Variants in ARID2 observed in about 807,000 individuals in gnomAD.
ARID2 encodes the protein AT-rich interaction domain 2.
Under a neutral mutation model 184.6 loss-of-function variants are expected in ARID2, and 32 were observed. The ratio of observed to expected loss-of-function variants is 0.17; its 90% confidence interval spans 0.13 to 0.23. The LOEUF (loss-of-function observed/expected upper bound fraction) is 0.23, where lower values mean the gene tolerates loss of function less well. Among genes scored for constraint, ARID2 ranks in the 10% least tolerant of loss-of-function variants. The pLI is 1.00. For missense variants in ARID2, 1,696 were observed against 2,197.6 expected (o/e 0.77, Z 4.56); for synonymous variants, 836 against 772.6 (o/e 1.08, Z -1.36).
In ARID2 at chr12:45,864,289, A is replaced by G. The variant is rs73292535; in HGVS notation, c.4922+3340A>G. Among the ~76,000 whole-genome samples, 808 of 152,246 alleles carry G rather than the reference A, an allele frequency of 5.3e-3. 6 individuals are homozygous for G. Among genetic ancestry groups the G allele is most frequent in the African/African-American group, 0.018 (767 of 41,556 alleles). Reference sequence around the variant, plus strand: ...ACCTCACTCTTTAGATATAAATACTATATACCACCACCACCACCATACTCC... The same window carrying G: ...ACCTCACTCTTTAGATATAAATACTGTATACCACCACCACCACCATACTCC... On this transcript the variant is annotated intron_variant, in intron 16 of 20. Coordinates refer to ENST00000334344, the MANE Select transcript of ARID2 (RefSeq NM_152641.4).
chr12:45,749,163 A>G (rs1457352925), intron 3 of ARID2, among the ~76,000 whole-genome samples: 1 of 152,246 alleles, frequency 6.6e-6, no homozygotes, highest in East Asian at 1.9e-4. Context: ...GTAATAGACT[A>G]GAAAGTCAAA....
At chr12:45,789,215 CCTT>C (rs1333933912) in intron 3 of ARID2, 2 of 152,314 alleles carry the variant, frequency 1.3e-5, no homozygotes, top group African/African-American at 2.4e-5. Context: ...AACATCTCTT[CCTT>C]CTTAGTCAGA....
chr12:45,883,309 A>C (rs1447626124), intron 16 of ARID2, among the ~76,000 whole-genome samples: 2 of 151,956 alleles, frequency 1.3e-5, no homozygotes, highest in African/African-American at 2.4e-5. Context: ...GAATTTGATT[A>C]CTTAAAGATG....
intron 6 of ARID2, among the ~76,000 whole-genome samples, chr12:45,821,918 T>G (rs1942904618): frequency 1.3e-5 from 2 of 152,194 alleles, no homozygotes; most frequent in Non-Finnish European, 2.9e-5. Flanking sequence ...TGGGAATATA[T>G]TTCTGAAACA....
At chr12:45,845,468 C>G (rs937386381) in intron 11 of ARID2, among the ~76,000 whole-genome samples, 1 of 152,114 alleles carries the variant, frequency 6.6e-6, no homozygotes, top group South Asian at 2.1e-4. Context: ...AGAAGTCCTT[C>G]CAAGTATACC....
chr12:45,743,030 A>G (rs1941291798), intron 3 of ARID2, among the ~76,000 whole-genome samples: 1 of 152,056 alleles, frequency 6.6e-6, no homozygotes, highest in South Asian at 2.1e-4. Context: ...AATTATTGAG[A>G]CATTACAGCA....
chr12:45,750,109 T>C (rs1013422701), intron 3 of ARID2, among the ~76,000 whole-genome samples: 1 of 152,216 alleles, frequency 6.6e-6, no homozygotes, highest in Admixed American at 6.5e-5. Flanking sequence ...TTAAGCGTAA[T>C]CATTTCTAGC....
At chr12:45,899,710 G>GTT (rs1263547046) in intron 20 of ARID2, among the ~76,000 whole-genome samples, 4 of 117,878 alleles carry the variant, frequency 3.4e-5, no homozygotes, top group African/African-American at 1.1e-4. Context: ...TATATATATG[G>GTT]TTATATATAT....
At position 45,852,324 on chromosome 12, in the gene ARID2, A is replaced by T. The variant is rs1276298778; in HGVS notation, c.4201A>T (p.Ile1401Phe). 1 of 1,614,188 alleles carries T rather than the reference A, an allele frequency of 6.2e-7. No homozygotes were observed. Among genetic ancestry groups the T allele is most frequent in the Non-Finnish European group, 8.5e-7 (1 of 1,180,000 alleles). ...SPMEPQGTLD[I>F]TQQDTAKGDQ... The stretch of plus-strand genomic sequence containing the variant: ...AATGGAACCACAAGGGACTTTAGAT[A>T]TCACTCAGCAAGATACTGCCAAAGG... Residue 1401 changes from isoleucine (I) to phenylalanine (F), a missense_variant, in exon 15 of 21, where the codon ATC becomes TTC. Ile to Phe is a conservative substitution (Grantham distance 21, BLOSUM62 0). Around this residue, in one of 11 missense-constraint regions of ARID2, gnomAD observed 428 missense variants for 409.1 expected, o/e 1.05. Transcript: ENST00000334344.
At chr12:45,742,739 A>G (rs1437223097) in intron 3 of ARID2, among the ~76,000 whole-genome samples, 1 of 152,234 alleles carries the variant, frequency 6.6e-6, no homozygotes, top group African/African-American at 2.4e-5. Context: ...TGTCATCTGA[A>G]TAATCTGTAA....
chr12:45,738,340 A>G (rs1368406625), intron 3 of ARID2, among the ~76,000 whole-genome samples: 1 of 152,074 alleles, frequency 6.6e-6, no homozygotes, highest in East Asian at 1.9e-4. Context: ...TTTGAGACGG[A>G]GTTGCTCTCT....
intron 3 of ARID2, among the ~76,000 whole-genome samples, chr12:45,744,815 TCA>T (rs1941326192): frequency 2.6e-5 from 4 of 152,214 alleles, no homozygotes; most frequent in Non-Finnish European, 4.4e-5. Flanking sequence ...CCATTTAAAT[TCA>T]TCAATGCTAA....
chr12:45,778,125 T>G (rs1321859792), intron 3 of ARID2, among the ~76,000 whole-genome samples: 1 of 152,016 alleles, frequency 6.6e-6, no homozygotes. Flanking sequence ...TGGAATCGCT[T>G]GAACCCGGGA....
chr12:45,856,058 T>C (rs1213025423), intron 15 of ARID2, among the ~76,000 whole-genome samples: 1 of 147,074 alleles, frequency 6.8e-6, no homozygotes, highest in Admixed American at 6.9e-5. Flanking sequence ...TCTTTTTCTT[T>C]CTTCTTTTCT....
intron 3 of ARID2, among the ~76,000 whole-genome samples, chr12:45,771,960 T>G (rs1222997179): frequency 6.6e-6 from 1 of 152,032 alleles, no homozygotes; most frequent in African/African-American, 2.4e-5. Context: ...CTTATAACAT[T>G]TATAGATGTA....
intron 11 of ARID2, among the ~76,000 whole-genome samples, chr12:45,843,963 G>A (rs755449810): frequency 1.3e-5 from 2 of 152,118 alleles, no homozygotes; most frequent in African/African-American, 4.8e-5. Flanking sequence ...AATTTTAACA[G>A]TTGAATTTGC....
intron 20 of ARID2, among the ~76,000 whole-genome samples, chr12:45,903,069 A>G (rs887503297): frequency 6.6e-6 from 1 of 152,132 alleles, no homozygotes; most frequent in African/African-American, 2.4e-5. Flanking sequence ...CCTCCTCTCT[A>G]TAAGGGACCA....
At chr12:45,893,003 T>C (rs1197835398) in intron 18 of ARID2, among the ~76,000 whole-genome samples, 1 of 152,200 alleles carries the variant, frequency 6.6e-6, no homozygotes, top group Non-Finnish European at 1.5e-5. Flanking sequence ...GTAATATTAC[T>C]TTACTCTTAG....
intron 16 of ARID2, among the ~76,000 whole-genome samples, chr12:45,865,684 C>G (rs1943820357): frequency 6.6e-6 from 1 of 151,980 alleles, no homozygotes; most frequent in African/African-American, 2.4e-5. Context: ...TGGTATTTTT[C>G]CCTGTGTCAG....
Sources: gnomAD v4.1 joint callset for allele counts (sites outside exome capture counted in the v4.1 genomes callset) on GRCh38, gnomAD v4.1.1 for gene constraint, gnomAD v4.1.1 regional missense constraint, MANE v1.5 for transcripts, NCBI Gene and HGNC (gene_info 2026-07-23, HGNC 2026-07-21) for gene names.